PCDHA4: variants seen among roughly 807,000 people sequenced by gnomAD.
PCDHA4 encodes the protein protocadherin alpha 4, also known as protocadherin alpha-4.
Under a neutral mutation model 61.4 loss-of-function variants are expected in PCDHA4, and 49 were observed. The ratio of observed to expected loss-of-function variants is 0.80; its 90% CI spans 0.63 to 1.01. The LOEUF (loss-of-function observed/expected upper bound fraction) is 1.01. Among genes scored for constraint, PCDHA4 ranks in the 50% least tolerant of loss-of-function variants. The pLI is 0.00. For missense variants in PCDHA4, 1,254 were observed against 1,235.8 expected (o/e 1.01, Z -0.22); for synonymous variants, 590 against 550.3 (o/e 1.07, Z -1.01).
intron 1 of PCDHA4, chr5:140,825,744 G>T (rs181658455): frequency 3.9e-5 from 6 of 152,526 alleles, no homozygotes; most frequent in African/African-American, 1.4e-4. Flanking sequence ...TTGATGAGGA[G>T]TAACTGTGAA....
intron 1 of PCDHA4, among the ~76,000 whole-genome samples, chr5:140,940,295 G>A (rs1363509137): frequency 5.3e-5 from 8 of 152,110 alleles, no homozygotes; most frequent in Non-Finnish European, 1.0e-4. Flanking sequence ...TGCTTCATCA[G>A]TAATTTATTA....
chr5:140,850,652 T>C lies in PCDHA4; in HGVS notation c.2385+41080T>C, dbSNP rs2150492321. 4 of 1,598,476 alleles carry C rather than the reference T, an allele frequency of 2.5e-6. No homozygotes were observed. In the South Asian group the frequency reaches 3.3e-5, roughly 13 times the overall value. On this transcript the variant is annotated intron_variant, in intron 1 of 3. Coordinates refer to ENST00000530339, the MANE Select transcript of PCDHA4 (RefSeq NM_018907.4). ...TGGTTCTCACGCTGCTGCTGTACAC[T>C]GTGCTGCGGTGCTCGGCGATGCCCA...
chr5:140,877,401 G>T (rs183471635), intron 1 of PCDHA4: 1 of 1,613,944 alleles, frequency 6.2e-7, no homozygotes, highest in East Asian at 2.2e-5. Flanking sequence ...CGGACGCTCC[G>T]CGCCACCGCC....
chr5:140,823,817 C>A, intron 1 of PCDHA4: 1 of 1,613,782 alleles, frequency 6.2e-7, no homozygotes. Context: ...TCATCGCGGG[C>A]GTCGGCGGGC....
intron 1 of PCDHA4, among the ~76,000 whole-genome samples, chr5:140,942,450 C>A (rs1017198131): frequency 6.6e-6 from 1 of 151,378 alleles, no homozygotes; most frequent in African/African-American, 2.4e-5. Flanking sequence ...AGTAAACTAT[C>A]AATTATAATA....
intron 1 of PCDHA4, among the ~76,000 whole-genome samples, chr5:140,918,323 T>C (rs1554198562): frequency 7.2e-5 from 11 of 152,184 alleles, no homozygotes. Flanking sequence ...TATAAAATTA[T>C]ATTGTCTGCT....
intron 1 of PCDHA4, among the ~76,000 whole-genome samples, chr5:140,894,198 T>A (rs1431922646): frequency 3.9e-5 from 6 of 152,168 alleles, no homozygotes; most frequent in African/African-American, 1.4e-4. Flanking sequence ...ATTTTTTCTA[T>A]GCTATTATAT....
intron 1 of PCDHA4, chr5:140,877,603 C>G: frequency 6.2e-7 from 1 of 1,613,858 alleles, no homozygotes; most frequent in Non-Finnish European, 8.5e-7. Flanking sequence ...GTCCAGCCTG[C>G]TGGTGCTCAC....
chr5:140,988,324 C>T (rs2097292768), intron 3 of PCDHA4, among the ~76,000 whole-genome samples: 1 of 152,206 alleles, frequency 6.6e-6, no homozygotes, highest in African/African-American at 2.4e-5. Flanking sequence ...CTTTCTCTAC[C>T]CGAGGAAAGT....
chr5:140,969,600 C>CTAAAACACA, intron 1 of PCDHA4: 1 of 778,552 alleles, frequency 1.3e-6, no homozygotes, highest in South Asian at 2.1e-5. Flanking sequence ...ATATTTAATG[C>CTAAAACACA]TAAAACACAG....
chr5:140,980,091 T>A (rs2096876102), intron 2 of PCDHA4, among the ~76,000 whole-genome samples: 1 of 152,218 alleles, frequency 6.6e-6, no homozygotes, highest in Non-Finnish European at 1.5e-5. Flanking sequence ...GTAGTTGGCT[T>A]GGTAAGATGT....
At chr5:140,846,948 CA>C (rs1554141582) in intron 1 of PCDHA4, among the ~76,000 whole-genome samples, 1 of 149,468 alleles carries the variant, frequency 6.7e-6, no homozygotes, top group East Asian at 1.9e-4. Flanking sequence ...CTTGAAGGGG[CA>C]TGGTGTGTTT....
intron 1 of PCDHA4, chr5:140,875,979 C>G: frequency 3.7e-6 from 6 of 1,613,984 alleles, no homozygotes; most frequent in Non-Finnish European, 5.1e-6. Flanking sequence ...CTCTTTTGAC[C>G]TATGCGTTAA....
chr5:140,829,901 A>T lies in PCDHA4; in HGVS notation c.2385+20329A>T, dbSNP rs2150177337. 19 of 1,613,992 alleles carry T rather than the reference A, an allele frequency of 1.2e-5. No individual in the cohort carries two copies. In the East Asian group the frequency reaches 4.2e-4, roughly 36 times the overall value. ...CGCAGTTGACGCCGACTCAGGCTAC[A>T]ACGCGTGGCTTTCGTATGAGCTGCA... On this transcript the variant is annotated intron_variant, in intron 1 of 3. Coordinates refer to ENST00000530339, the MANE Select transcript of PCDHA4 (RefSeq NM_018907.4).
chr5:140,884,766 T>G, intron 1 of PCDHA4: 1 of 1,416,492 alleles, frequency 7.1e-7, no homozygotes, highest in Non-Finnish European at 9.3e-7. Context: ...TTCTTTACTT[T>G]AATTTTAATT....
intron 1 of PCDHA4, chr5:140,877,982 T>C (rs1320294784): frequency 1.6e-6 from 2 of 1,221,162 alleles, no homozygotes; most frequent in African/African-American, 3.1e-5. Context: ...CTTACTCATT[T>C]TGAACTTTTA....
At chr5:140,886,339 C>T (rs181002773) in intron 1 of PCDHA4, among the ~76,000 whole-genome samples, 87 of 151,982 alleles carry the variant, frequency 5.7e-4, no homozygotes, top group Non-Finnish European at 1.2e-3. Flanking sequence ...ATGTGCAGAA[C>T]GTGCAGGTTT....
chr5:140,836,380 T>C (rs1554135890), intron 1 of PCDHA4: 1 of 1,613,746 alleles, frequency 6.2e-7, no homozygotes. Flanking sequence ...GCCACCGTGC[T>C]GGTGTCGCTG....
chr5:140,936,593 C>T (rs1475903432), intron 1 of PCDHA4, among the ~76,000 whole-genome samples: 1 of 152,168 alleles, frequency 6.6e-6, no homozygotes, highest in African/African-American at 2.4e-5. Context: ...GTTAGATTGC[C>T]TACTTTCCTC....
Sources: gnomAD v4.1 joint callset for allele counts (sites outside exome capture counted in the v4.1 genomes callset) on GRCh38, gnomAD v4.1.1 for gene constraint, MANE v1.5 for transcripts, NCBI Gene and HGNC (gene_info 2026-07-23, HGNC 2026-07-21) for gene names.